The following EPB41L3 variants were observed in gnomAD, a reference collection of about 807,000 sequenced individuals.
EPB41L3 encodes erythrocyte membrane protein band 4.1 like 3, also known as band 4.1-like protein 3.
A neutral mutation model predicts 127.1 loss-of-function variants in EPB41L3; 57 were observed. The observed-to-expected ratio is 0.45, with a 90% CI of 0.36 to 0.56. The LOEUF is 0.56. Among genes scored for constraint, EPB41L3 ranks in the 20% least tolerant of loss-of-function variants. The pLI is 0.00. For synonymous variants in EPB41L3, 572 were observed against 549.5 expected (o/e 1.04, Z -0.57); for missense variants, 1,273 against 1,372.2 (o/e 0.93, Z 1.14).
chr18:5,524,736 C>A (rs1412993679), intron 1 of EPB41L3, among the ~76,000 whole-genome samples: 3 of 152,224 alleles, frequency 2.0e-5, no homozygotes, highest in African/African-American at 7.2e-5. Flanking sequence ...GCCACCTTTT[C>A]TCCATCCATG....
At chr18:5,554,201 AT>A (rs1328657152) in intron 3 of EPB41L3, among the ~76,000 whole-genome samples, 1 of 152,012 alleles carries the variant, frequency 6.6e-6, no homozygotes, top group Non-Finnish European at 1.5e-5. Flanking sequence ...ATGGCATATC[AT>A]TTCCTTATTT....
chr18:5,627,334 T>C (rs1036912940), intron 1 of EPB41L3, among the ~76,000 whole-genome samples: 1 of 152,172 alleles, frequency 6.6e-6, no homozygotes, highest in Non-Finnish European at 1.5e-5. Context: ...AACATTTAAA[T>C]ACAAAATTTC....
intron 3 of EPB41L3, among the ~76,000 whole-genome samples, chr18:5,553,794 A>G (rs992666168): frequency 8.5e-5 from 13 of 152,136 alleles, no homozygotes; most frequent in African/African-American, 2.2e-4. Context: ...TGAGACCCCT[A>G]TAGTGATTCT....
intron 1 of EPB41L3, among the ~76,000 whole-genome samples, chr18:5,535,472 C>T (rs933197371): frequency 2.6e-5 from 4 of 152,170 alleles, no homozygotes; most frequent in Non-Finnish European, 5.9e-5. Flanking sequence ...TAAAAGTTGT[C>T]ACTGAGTAGC....
chr18:5,466,828 G>A (rs890055208), intron 3 of EPB41L3, among the ~76,000 whole-genome samples: 1 of 152,188 alleles, frequency 6.6e-6, no homozygotes, highest in Non-Finnish European at 1.5e-5. Flanking sequence ...CTAATCTTGT[G>A]GCTGATGACA....
At chr18:5,454,519 T>G (rs2082750440) in intron 3 of EPB41L3, among the ~76,000 whole-genome samples, 1 of 152,204 alleles carries the variant, frequency 6.6e-6, no homozygotes, top group Non-Finnish European at 1.5e-5. Context: ...TCAGCCTATG[T>G]ACTAATCCCA....
chr18:5,442,150 T>C (rs1172439128), intron 5 of EPB41L3, among the ~76,000 whole-genome samples: 2 of 152,204 alleles, frequency 1.3e-5, no homozygotes, highest in Admixed American at 6.5e-5. Context: ...TGTTAGGATA[T>C]ATATTCAGCA....
chr18:5,458,330 A>C (rs1189795602), intron 3 of EPB41L3, among the ~76,000 whole-genome samples: 1 of 152,222 alleles, frequency 6.6e-6, no homozygotes, highest in Non-Finnish European at 1.5e-5. Context: ...ATTTTCCCCA[A>C]GGAGTAAGTG....
intron 1 of EPB41L3, among the ~76,000 whole-genome samples, chr18:5,529,928 A>ATGTATGTGTGTGTGTG (rs374864271): frequency 4.1e-5 from 6 of 146,884 alleles, no homozygotes; most frequent in African/African-American, 1.5e-4. Context: ...CAACTCATAT[A>ATGTATGTGTGTGTGTG]TGTGTGTGTG....
chr18:5,554,757 A>G (rs549015933), intron 3 of EPB41L3, among the ~76,000 whole-genome samples: 1 of 150,778 alleles, frequency 6.6e-6, no homozygotes, highest in African/African-American at 2.4e-5. Context: ...TCTGAGGACA[A>G]AAGAAAATGT....
intron 3 of EPB41L3, among the ~76,000 whole-genome samples, chr18:5,587,707 C>A (rs558026442): frequency 4.6e-5 from 7 of 152,294 alleles, no homozygotes; most frequent in Non-Finnish European, 4.4e-5. Context: ...AATAGTGTCA[C>A]AACAACCAAC....
chr18:5,506,152 C>T (rs56282037), intron 1 of EPB41L3, among the ~76,000 whole-genome samples: 1 of 152,026 alleles, frequency 6.6e-6, no homozygotes, highest in Non-Finnish European at 1.5e-5. Flanking sequence ...TCCAGTGTAC[C>T]TCCCAACTGG....
At chr18:5,480,615 G>A (rs1320469116) in intron 2 of EPB41L3, among the ~76,000 whole-genome samples, 2 of 152,144 alleles carry the variant, frequency 1.3e-5, no homozygotes, top group African/African-American at 4.8e-5. Flanking sequence ...AGAATTTTGT[G>A]GAAGAATCTC....
intron 16 of EPB41L3, among the ~76,000 whole-genome samples, chr18:5,402,700 C>G (rs919238243): frequency 1.3e-5 from 2 of 152,116 alleles, no homozygotes; most frequent in African/African-American, 4.8e-5. Context: ...TCACTTTTAT[C>G]AGGGGTTAGG....
At chr18:5,590,230 A>G (rs2094474028) in intron 3 of EPB41L3, among the ~76,000 whole-genome samples, 1 of 152,068 alleles carries the variant, frequency 6.6e-6, no homozygotes, top group Non-Finnish European at 1.5e-5. Flanking sequence ...CCTATATCAG[A>G]GGTTCCCAAG....
At chr18:5,541,158 CA>C (rs1445952335) in intron 1 of EPB41L3, among the ~76,000 whole-genome samples, 3 of 126,796 alleles carry the variant, frequency 2.4e-5, no homozygotes, top group East Asian at 4.9e-4. Context: ...GAGGTTGAGG[CA>C]AAAGAATTGC....
At chr18:5,427,784 T>C (rs995876223) in intron 9 of EPB41L3, among the ~76,000 whole-genome samples, 3 of 152,130 alleles carry the variant, frequency 2.0e-5, no homozygotes, top group African/African-American at 7.2e-5. Context: ...CTCGCTCTGT[T>C]GCTCAGGCTG....
chr18:5,396,108 T>A (rs773650513), intron 19 of EPB41L3, 93 bp downstream of exon 19: 2 of 1,472,950 alleles, frequency 1.4e-6, no homozygotes, highest in Non-Finnish European at 1.9e-6. Context: ...CTAAGTCTCA[T>A]GAATTAAATA....
chr18:5,500,716 T>G (rs2148503895), intron 1 of EPB41L3, among the ~76,000 whole-genome samples: 1 of 152,282 alleles, frequency 6.6e-6, no homozygotes, highest in Non-Finnish European at 1.5e-5. Context: ...CCAGGAGAAT[T>G]TTACATACAA....
Sources: allele counts gnomAD v4.1 joint callset (sites outside exome capture counted in the v4.1 genomes callset), GRCh38; gene constraint gnomAD v4.1.1; transcripts MANE v1.5; gene names NCBI Gene and HGNC (gene_info 2026-07-23, HGNC 2026-07-21).